PCDH11Y: variants seen among roughly 807,000 people sequenced by gnomAD.
PCDH11Y encodes protocadherin 11 Y-linked.
For missense variants in PCDH11Y, 12 were observed against 224.8 expected, an observed-to-expected ratio of 0.05 and a Z score of 6.05; for synonymous variants, 9 against 83.6, an observed-to-expected ratio of 0.11 and a Z score of 4.87.
chrY:5,360,330 C>T (rs1602911354), intron 2 of PCDH11Y, among the ~76,000 whole-genome samples: 1 of 23,607 alleles, frequency 4.2e-5, no homozygotes, highest in Non-Finnish European at 1.0e-4. Context: ...GAAGTGTGTG[C>T]GTGTGTGTGT....
intron 2 of PCDH11Y, among the ~76,000 whole-genome samples, chrY:5,115,898 G>A (rs2052809884): frequency 6.6e-5 from 2 of 30,077 alleles, no homozygotes; most frequent in Admixed American, 6.1e-4. Flanking sequence ...CCGCCACCAC[G>A]CCCAGCTAAT....
intron 2 of PCDH11Y, among the ~76,000 whole-genome samples, chrY:5,268,418 T>C: frequency 3.0e-5 from 1 of 32,874 alleles, no homozygotes; most frequent in Non-Finnish European, 7.5e-5. Context: ...GCAGCATTAA[T>C]GTATTAATTA....
At chrY:5,668,798 G>T (rs2053546912) in intron 4 of PCDH11Y, among the ~76,000 whole-genome samples, 1 of 29,196 alleles carries the variant, frequency 3.4e-5, no homozygotes, top group African/African-American at 1.3e-4. Flanking sequence ...TAAAATACTT[G>T]TTAAGAAAAC....
chrY:5,301,283 T>A lies in PCDH11Y; in HGVS notation c.3130-199774T>A, dbSNP rs538821176. Among the ~76,000 whole-genome samples, 232 of 34,158 alleles carry A rather than the reference T, an allele frequency of 6.8e-3. No individual in the cohort carries two copies. The South Asian group carries it at 0.15, about 22-fold the overall frequency. 91.6% of individuals were successfully genotyped at this position (34,158 alleles called of 37,273 possible). A position where few individuals can be genotyped will look rare whatever the true frequency, so the allele number is the denominator to read the frequency against. On this transcript the variant is annotated intron_variant, in intron 2 of 4. Transcript: ENST00000400457. ...TCCAAATTAAGTCATTTATTTTTAA[T>A]GGCATTTGGCTTTTTTGTTTCCTGA...
chrY:5,701,858 C>G (rs1602962025), intron 4 of PCDH11Y, among the ~76,000 whole-genome samples: 1 of 33,636 alleles, frequency 3.0e-5, no homozygotes, highest in South Asian at 6.7e-4. Context: ...AGGCTGTACC[C>G]TGCAAAGCCA....
intron 2 of PCDH11Y, among the ~76,000 whole-genome samples, chrY:5,230,352 T>C: frequency 3.0e-5 from 1 of 33,488 alleles, no homozygotes; most frequent in Admixed American, 2.8e-4. Flanking sequence ...TGACACTGCT[T>C]TTGTTTGTCT....
intron 2 of PCDH11Y, among the ~76,000 whole-genome samples, chrY:5,386,480 G>C: frequency 3.1e-5 from 1 of 32,639 alleles, no homozygotes; most frequent in Non-Finnish European, 7.4e-5. Flanking sequence ...TTCTTCCTCA[G>C]GAATGCCAAT....
chrY:5,170,078 G>T (rs1602879523), intron 2 of PCDH11Y, among the ~76,000 whole-genome samples: 131 of 31,742 alleles, frequency 4.1e-3, no homozygotes, highest in African/African-American at 0.014. Flanking sequence ...ATTCAAACCT[G>T]TTTCCCATAT....
chrY:5,270,736 G>A, intron 2 of PCDH11Y, among the ~76,000 whole-genome samples: 2 of 32,099 alleles, frequency 6.2e-5, no homozygotes, highest in Non-Finnish European at 1.5e-4. Context: ...GGAAATAGTG[G>A]GAGTATTTAT....
chrY:5,226,659 AT>A (rs2052961067), intron 2 of PCDH11Y, among the ~76,000 whole-genome samples: 1 of 28,669 alleles, frequency 3.5e-5, no homozygotes, highest in African/African-American at 1.4e-4. Flanking sequence ...TCTTCTGAAT[AT>A]AGGGATCCAG....
At chrY:5,691,105 T>C in intron 4 of PCDH11Y, among the ~76,000 whole-genome samples, 6 of 33,365 alleles carry the variant, frequency 1.8e-4, no homozygotes, top group Non-Finnish European at 4.4e-4. Context: ...TATTTGAAAA[T>C]CATAATATTA....
intron 2 of PCDH11Y, among the ~76,000 whole-genome samples, chrY:5,301,144 A>G: frequency 2.9e-5 from 1 of 34,055 alleles, no homozygotes; most frequent in Non-Finnish European, 7.4e-5. Flanking sequence ...GATAAGAATC[A>G]TAAAGGCATG....
At chrY:5,067,627 TTTTG>T (rs2052688955) in intron 1 of PCDH11Y, among the ~76,000 whole-genome samples, 1 of 33,152 alleles carries the variant, frequency 3.0e-5, no homozygotes, top group African/African-American at 1.2e-4. Context: ...ACACAATTAT[TTTTG>T]TTTCTTTTTT....
intron 1 of PCDH11Y, among the ~76,000 whole-genome samples, chrY:5,092,651 C>G: frequency 3.1e-5 from 1 of 32,223 alleles, no homozygotes; most frequent in Non-Finnish European, 7.6e-5. Context: ...TTTTCTAAAA[C>G]AGCCATTTTA....
intron 2 of PCDH11Y, among the ~76,000 whole-genome samples, chrY:5,211,665 G>A: frequency 3.0e-5 from 1 of 32,866 alleles, no homozygotes; most frequent in Non-Finnish European, 7.4e-5. Flanking sequence ...TTTTTGAAAT[G>A]GAGTCTTCCT....
intron 2 of PCDH11Y, among the ~76,000 whole-genome samples, chrY:5,283,449 GA>G (rs2053056598): frequency 3.2e-5 from 1 of 31,307 alleles, no homozygotes; most frequent in East Asian, 8.4e-4. Flanking sequence ...GTGGGAAATT[GA>G]ATTTGATATT....
intron 3 of PCDH11Y, chrY:5,574,474 A>G: frequency 4.5e-6 from 1 of 220,723 alleles, no homozygotes; most frequent in East Asian, 1.0e-4. Flanking sequence ...GGAGGCCAAT[A>G]AAAAGTACAG....
At chrY:5,268,340 C>T in intron 2 of PCDH11Y, among the ~76,000 whole-genome samples, 1 of 32,702 alleles carries the variant, frequency 3.1e-5, no homozygotes, top group Non-Finnish European at 7.5e-5. Context: ...TTTAATTTGC[C>T]TTTAAATAGC....
intron 2 of PCDH11Y, among the ~76,000 whole-genome samples, chrY:5,351,457 TA>T (rs2053159180): frequency 1.0e-4 from 3 of 30,053 alleles, no homozygotes; most frequent in Non-Finnish European, 1.6e-4. Context: ...TGAAATATGT[TA>T]AAAAAAAAGT....
Sources: allele counts gnomAD v4.1 joint callset (sites outside exome capture counted in the v4.1 genomes callset), GRCh38; gene constraint gnomAD v4.1.1; transcripts MANE v1.5; gene names NCBI Gene and HGNC (gene_info 2026-07-23, HGNC 2026-07-21).